The following STXBP5L variants were observed in gnomAD, a reference collection of about 807,000 sequenced individuals.
STXBP5L encodes the protein syntaxin-binding protein 5-like.
STXBP5L carries 65 observed loss-of-function variants against 144.5 expected under a neutral mutation model. The ratio of observed to expected loss-of-function variants is 0.45; its 90% confidence interval spans 0.37 to 0.55. The LOEUF is 0.55. Ranked by LOEUF, STXBP5L falls within the 20% of genes least tolerant of loss-of-function variation. STXBP5L has a pLI of 0.00. For missense variants in STXBP5L, 1,298 were observed against 1,405.5 expected (o/e 0.92, Z 1.22); for synonymous variants, 505 against 469.6 (o/e 1.08, Z -0.97).
chr3:121,175,443 T>C (rs2046895515), intron 9 of STXBP5L, among the ~76,000 whole-genome samples: 1 of 152,130 alleles, frequency 6.6e-6, no homozygotes, highest in Non-Finnish European at 1.5e-5. Context: ...ACATTCCACA[T>C]AAATTTATGA....
chr3:121,396,441 T>A (rs990070409), intron 22 of STXBP5L, among the ~76,000 whole-genome samples: 1 of 152,134 alleles, frequency 6.6e-6, no homozygotes, highest in African/African-American at 2.4e-5. Flanking sequence ...CTGCAAAAGG[T>A]GATGTTTAAC....
chr3:121,269,552 C>T (rs2050675903), intron 18 of STXBP5L, among the ~76,000 whole-genome samples: 1 of 152,100 alleles, frequency 6.6e-6, no homozygotes, highest in Non-Finnish European at 1.5e-5. Flanking sequence ...TCTGAGCCCA[C>T]AGGGGAACAT....
chr3:121,202,670 A>G (rs1433211170), intron 9 of STXBP5L, among the ~76,000 whole-genome samples: 3 of 152,106 alleles, frequency 2.0e-5, no homozygotes, highest in East Asian at 1.9e-4. Context: ...TTTGCTCAAC[A>G]TAAGACTCTT....
At position 121,173,640 on chromosome 3, in the gene STXBP5L, T is replaced by C. The variant is rs1377226150; in HGVS notation, c.877+16013T>C. ...ACTATTTTGTGTATTATATGTATTA[T>C]ATACTGTACCCTTAGAGAAAAGAAA... On this transcript the variant is annotated intron_variant, in intron 9 of 26. Coordinates refer to ENST00000471454, the MANE Select transcript of STXBP5L (RefSeq NM_001308330.2). Among the ~76,000 whole-genome samples, 3 of 152,096 alleles carry C rather than the reference T, an allele frequency of 2.0e-5. No homozygotes were observed. The East Asian group carries it at 5.8e-4, about 29-fold the overall frequency.
chr3:121,088,175 T>A, intron 5 of STXBP5L, among the ~76,000 whole-genome samples: 1 of 145,508 alleles, frequency 6.9e-6, no homozygotes, highest in Non-Finnish European at 1.5e-5. Context: ...TGGGAGAAAA[T>A]TTTCGCAACC....
intron 20 of STXBP5L, among the ~76,000 whole-genome samples, chr3:121,371,010 T>C (rs543126703): frequency 1.2e-4 from 19 of 152,332 alleles, no homozygotes; most frequent in Non-Finnish European, 2.2e-4. Flanking sequence ...ATTTCTGTCA[T>C]TTCAGCCATC....
chr3:121,093,319 A>AT (rs1284296008), intron 5 of STXBP5L, among the ~76,000 whole-genome samples: 2 of 151,910 alleles, frequency 1.3e-5, no homozygotes. Flanking sequence ...CTCTTTTTCT[A>AT]TTGATTGGAA....
chr3:121,012,655 G>T (rs780774176), intron 3 of STXBP5L, among the ~76,000 whole-genome samples: 1 of 151,476 alleles, frequency 6.6e-6, no homozygotes, highest in African/African-American at 2.4e-5. Flanking sequence ...TAAATATTTT[G>T]CTCAGTTTTA....
chr3:121,306,231 A>G (rs2043333690), intron 19 of STXBP5L, among the ~76,000 whole-genome samples: 1 of 152,124 alleles, frequency 6.6e-6, no homozygotes, highest in African/African-American at 2.4e-5. Context: ...TTGAACCACA[A>G]CTCACTTAAT....
intron 20 of STXBP5L, among the ~76,000 whole-genome samples, chr3:121,334,675 G>A (rs1005239276): frequency 1.3e-5 from 2 of 152,182 alleles, no homozygotes; most frequent in South Asian, 2.1e-4. Context: ...GGGATGCAAG[G>A]TAGGTCCGAC....
intron 3 of STXBP5L, among the ~76,000 whole-genome samples, chr3:120,997,264 G>A (rs995884514): frequency 7.2e-5 from 11 of 152,086 alleles, no homozygotes; most frequent in Non-Finnish European, 1.3e-4. Flanking sequence ...GCATGCATGT[G>A]TCTTTATGGT....
chr3:121,121,268 A>T (rs1313680937), intron 6 of STXBP5L, among the ~76,000 whole-genome samples: 1 of 151,270 alleles, frequency 6.6e-6, no homozygotes, highest in African/African-American at 2.4e-5. Context: ...TTGCAATTTA[A>T]CTGAGACAGT....
At chr3:121,171,539 C>T (rs1173771712) in intron 9 of STXBP5L, among the ~76,000 whole-genome samples, 1 of 152,124 alleles carries the variant, frequency 6.6e-6, no homozygotes, top group East Asian at 1.9e-4. Flanking sequence ...GTGCTAAAGT[C>T]ACAAGCATTC....
intron 3 of STXBP5L, among the ~76,000 whole-genome samples, chr3:120,993,895 T>A (rs993784095): frequency 6.6e-6 from 1 of 152,012 alleles, no homozygotes; most frequent in Non-Finnish European, 1.5e-5. Context: ...GGTAGTATGG[T>A]CATTTAGATA....
intron 2 of STXBP5L, among the ~76,000 whole-genome samples, chr3:120,929,047 T>C (rs1373914087): frequency 1.3e-5 from 2 of 152,136 alleles, no homozygotes; most frequent in Non-Finnish European, 2.9e-5. Context: ...TTGTAAGTTG[T>C]TGGCATGGGA....
At chr3:121,019,769 A>G (rs559697636) in intron 3 of STXBP5L, among the ~76,000 whole-genome samples, 9 of 152,320 alleles carry the variant, frequency 5.9e-5, no homozygotes, top group African/African-American at 1.9e-4. Flanking sequence ...AAGAATCTGA[A>G]CAGCAGCCCT....
chr3:121,104,229 A>T (rs1389958375), intron 5 of STXBP5L, among the ~76,000 whole-genome samples: 1 of 152,120 alleles, frequency 6.6e-6, no homozygotes, highest in Non-Finnish European at 1.5e-5. Flanking sequence ...TATCCTGACA[A>T]AAGAATCAAG....
intron 3 of STXBP5L, among the ~76,000 whole-genome samples, chr3:120,985,835 G>T (rs1942238184): frequency 6.6e-6 from 1 of 151,478 alleles, no homozygotes; most frequent in South Asian, 2.1e-4. Flanking sequence ...CTAGCTAAAG[G>T]TTTGTGAATT....
At chr3:120,998,435 A>T (rs1399988512) in intron 3 of STXBP5L, among the ~76,000 whole-genome samples, 1 of 152,060 alleles carries the variant, frequency 6.6e-6, no homozygotes, top group Non-Finnish European at 1.5e-5. Context: ...CAGAACGTGC[A>T]GGTTTGTTAC....
Sources: allele counts gnomAD v4.1 joint callset (sites outside exome capture counted in the v4.1 genomes callset), GRCh38; gene constraint gnomAD v4.1.1; transcripts MANE v1.5; gene names NCBI Gene and HGNC (gene_info 2026-07-23, HGNC 2026-07-21).